Variants in OR8J3 observed in about 807,000 individuals in gnomAD.
The protein encoded by OR8J3 is olfactory receptor family 8 subfamily J member 3.
For synonymous variants in OR8J3, 170 were observed against 142.6 expected (o/e 1.19, Z -1.37); for missense variants, 418 against 379.8 (o/e 1.10, Z -0.84).
At chr11:56,138,561 GCTA>G (rs897752171) in intron 1 of OR8J3, 64 bp from the exon 2 acceptor site, 6 of 152,020 alleles carry the variant, frequency 3.9e-5, no homozygotes, top group African/African-American at 1.5e-4. Flanking sequence ...TGTAGTCCCA[GCTA>G]CTCGGGAGGC....
Position 56,137,098 on chromosome 11 carries a change from C to G in OR8J3, c.621G>C (p.Leu207Phe). ...CTAGAACTGTAATCATGGAAAAAACCAAATTTGTTGCTGCAGATATAAAGA... is the reference window on the plus strand; with the variant it reads ...CTAGAACTGTAATCATGGAAAAAACGAAATTTGTTGCTGCAGATATAAAGA... ...TIVFISAATNLVFSMITVLVS... is the reference protein window; with the variant it reads ...TIVFISAATNFVFSMITVLVS... Residue 207 changes from leucine to phenylalanine, a missense_variant, in exon 2 of 2, where the codon TTG (leucine) becomes TTC (phenylalanine). Leu to Phe is a conservative substitution (Grantham distance 22, BLOSUM62 0). Transcript: ENST00000642058. The G allele has an allele frequency of 1.2e-6, 2 of 1,613,200 alleles. No individual in the cohort carries two copies. Among genetic ancestry groups the G allele is most frequent in the Non-Finnish European group, 1.7e-6 (2 of 1,179,704 alleles).
chr11:56,137,384 A>G lies in OR8J3; in HGVS notation c.335T>C (p.Val112Ala), dbSNP rs764058463. 6.2e-7 allele frequency: 1 copy of G among 1,614,116 alleles called. No individual in the cohort carries two copies. Among genetic ancestry groups the G allele is most frequent in the Non-Finnish European group, 8.5e-7 (1 of 1,180,016 alleles). Residue 112 changes from valine to alanine, a missense_variant, in exon 2 of 2, where the codon GTA becomes GCA. Transcript: ENST00000642058. ...ATAGGCCATCACAGCCAGCATCATT[A>G]CCTCCGATACAATAAAGAACAAGAA... Reference protein sequence around the residue: ...GGFLFFIVSEVMMLAVMAYDR... With the variant: ...GGFLFFIVSEAMMLAVMAYDR...
In OR8J3 at chr11:56,137,668, G is replaced by C; in HGVS notation, c.51C>G (p.Val17=). The C allele has an allele frequency of 6.2e-7, 1 of 1,612,480 alleles. No homozygotes were observed. Among genetic ancestry groups the C allele is most frequent in the Non-Finnish European group, 8.5e-7 (1 of 1,179,488 alleles). Residue 17 remains valine (V), a synonymous_variant, in exon 2 of 2, where the codon GTC becomes GTG. Transcript: ENST00000642058. Reference sequence around the variant, plus strand: ...GAATCTGGAGCTCTGGACAGCTAGAGACACCTGTGAGAATAAACTCAGTGA... The same window carrying C: ...GAATCTGGAGCTCTGGACAGCTAGACACACCTGTGAGAATAAACTCAGTGA... ...TRVTEFILTG[V]SSCPELQIPL...
rs1264278376 is a variant in OR8J3 at position 56,137,266 on chromosome 11, A to G, written c.453T>C (p.Tyr151=). ...AAACCACAATAGCTGTAGAAAAGCC[A>G]TAGAGGTATGTGAGGGACACCAGCA... ...CLLLVSLTYL[Y]GFSTAIVVSP... Residue 151 remains tyrosine (Y), a synonymous_variant, in exon 2 of 2, where the codon TAT becomes TAC. Coordinates refer to ENST00000642058, the MANE Select transcript of OR8J3 (RefSeq NM_001004064.2). The G allele has an allele frequency of 1.2e-6, 2 of 1,614,156 alleles. No homozygotes were observed. Among genetic ancestry groups the G allele is most frequent in the Non-Finnish European group, 1.7e-6 (2 of 1,180,020 alleles).
intron 1 of OR8J3, 78 bp downstream of exon 1, chr11:56,140,095 G>A (rs988749261): frequency 2.0e-5 from 3 of 152,188 alleles, no homozygotes; most frequent in African/African-American, 7.2e-5. Flanking sequence ...CAGAGTATAG[G>A]GGCCTTCAAC....
At position 56,137,821 on chromosome 11, in the gene OR8J3, G is replaced by A. The variant is rs184160231; in HGVS notation, c.-103C>T. On this transcript the variant is annotated 5_prime_UTR_variant, in exon 2 of 2. Coordinates refer to ENST00000642058, the MANE Select transcript of OR8J3 (RefSeq NM_001004064.2). ...CCACTAGATGGCAAGGACAATTCCT[G>A]GGTGTGATCTTCTTGTCATGTATTA... 5.5e-6 allele frequency: 5 copies of A among 901,418 alleles called. No homozygotes were observed. In the East Asian group the frequency reaches 1.2e-4, roughly 22 times the overall value. 55.8% of individuals were successfully genotyped at this position (901,418 alleles called of 1,614,324 possible).
At chr11:56,138,555 G>GT (rs1320709612) in intron 1 of OR8J3, 58 bp from the exon 2 acceptor site, 1 of 151,902 alleles carries the variant, frequency 6.6e-6, no homozygotes, top group Non-Finnish European at 1.5e-5. Flanking sequence ...GGCGCCTGTA[G>GT]TCCCAGCTAC....
Position 56,135,533 on chromosome 11 carries a change from T to C in OR8J3, c.*1238A>G, listed in dbSNP as rs1854322166. 6.6e-6 allele frequency: 1 copy of C among 151,998 alleles called. No homozygotes were observed. The highest frequency in any genetic ancestry group is 1.5e-5 in the Non-Finnish European group (1 of 67,876). 9.4% of individuals were successfully genotyped at this position (151,998 alleles called of 1,614,324 possible). On this transcript the variant is annotated 3_prime_UTR_variant, in exon 2 of 2. Transcript: ENST00000642058. ...TCTAATTTTGTACTGTAGAGTTGTG[T>C]TTTGTTTCCTTTTTAATATTATAAT...
rs2134684259 is a variant in OR8J3 at position 56,136,470 on chromosome 11, T to G, written c.*301A>C. ...ATGAAAAATATTCACTTTAATTCTC[T>G]TGTTCCTATTTTGTTGCTCTGTTAA... On this transcript the variant is annotated 3_prime_UTR_variant, in exon 2 of 2. Coordinates refer to ENST00000642058, the MANE Select transcript of OR8J3 (RefSeq NM_001004064.2). 5.7e-6 allele frequency: 1 copy of G among 174,242 alleles called. No homozygotes were observed. The highest frequency in any genetic ancestry group is 6.2e-5 in the Admixed American group (1 of 16,016). 10.8% of individuals were successfully genotyped at this position (174,242 alleles called of 1,614,324 possible). A position where few individuals can be genotyped will look rare whatever the true frequency, so the allele number is the denominator to read the frequency against.
chr11:56,134,799 T>TC lies in OR8J3; in HGVS notation c.*1971dup, dbSNP rs1854314804. 6.6e-6 allele frequency: 1 copy of TC among 152,056 alleles called. No individual in the cohort carries two copies. Among genetic ancestry groups the TC allele is most frequent in the African/African-American group, 2.4e-5 (1 of 41,434 alleles). The allele number at this position is 152,056 out of a possible 1,614,324, so 9.4% of individuals were successfully genotyped here. On this transcript the variant is annotated 3_prime_UTR_variant, in exon 2 of 2. Coordinates refer to ENST00000642058, the MANE Select transcript of OR8J3 (RefSeq NM_001004064.2). Reference sequence around the variant, plus strand: ...AATAAAGTCATATTTTCTGGAATACTCTTCACAATACCAGGCTAGTATAGA... The same window carrying TC: ...AATAAAGTCATATTTTCTGGAATACTCCTTCACAATACCAGGCTAGTATAGA...
At position 56,137,622 on chromosome 11, in the gene OR8J3, C is replaced by A. The variant is rs1434881199; in HGVS notation, c.97G>T (p.Val33Leu). The A allele has an allele frequency of 6.2e-7, 1 of 1,614,012 alleles. No homozygotes were observed. The highest frequency in any genetic ancestry group is 8.5e-7 in the Non-Finnish European group (1 of 1,180,036). Residue 33 changes from valine (V) to leucine (L), a missense_variant, in exon 2 of 2, where the codon GTG (valine) becomes TTG (leucine). Val to Leu is a conservative substitution (Grantham distance 32). Transcript: ENST00000642058. ...LQIPLFLVFL[V>L]LYVLTMAGNL... ...CCTGCCATGGTCAGCACATAGAGCA[C>A]TAGGAAGACCAGGAAGAGGGGAATC...
chr11:56,138,723 A>G (rs889460730), intron 1 of OR8J3, among the ~76,000 whole-genome samples: 2 of 151,406 alleles, frequency 1.3e-5, no homozygotes, highest in Non-Finnish European at 2.9e-5. Flanking sequence ...TAAGATTTTT[A>G]TCATTTTTGT....
rs1323977588 is a variant in OR8J3 at position 56,137,255 on chromosome 11, G to A, written c.464C>T (p.Thr155Ile). 1.9e-6 allele frequency: 3 copies of A among 1,614,068 alleles called. No homozygotes were observed. In the South Asian group the frequency reaches 3.3e-5, roughly 18 times the overall value. The change falls in exon 2 of 2, where the codon ACA (threonine) becomes ATA (isoleucine). Residue 155 changes from threonine to isoleucine, a missense_variant. Thr to Ile is a moderately conservative substitution (Grantham distance 89). Transcript: ENST00000642058. ...VSLTYLYGFS[T>I]AIVVSPCIFS... ...TATACAAGGTGAAACCACAATAGCT[G>A]TAGAAAAGCCATAGAGGTATGTGAG...
In OR8J3 at chr11:56,137,546, G is replaced by C. The variant is rs1854346782; in HGVS notation, c.173C>G (p.Pro58Arg). The C allele has an allele frequency of 3.7e-6, 6 of 1,614,072 alleles. No homozygotes were observed. In the South Asian group the frequency reaches 6.6e-5, roughly 18 times the overall value. The part of the protein sequence containing the change: ...LTSVDSRLQN[P>R]MYFFLRHLAI... Reference sequence around the variant, plus strand: ...TAGATGTCTCAGGAAAAAGTACATGGGGTTTTGAAGTCGAGAGTCAACACT... The same window carrying C: ...TAGATGTCTCAGGAAAAAGTACATGCGGTTTTGAAGTCGAGAGTCAACACT... The change falls in exon 2 of 2, where the codon CCC becomes CGC. Residue 58 changes from proline to arginine, a missense_variant. Pro to Arg is a moderately radical substitution (Grantham distance 103, BLOSUM62 -2). Coordinates refer to ENST00000642058, the MANE Select transcript of OR8J3 (RefSeq NM_001004064.2).
At position 56,137,296 on chromosome 11, in the gene OR8J3, G is replaced by T. The variant is rs772204754; in HGVS notation, c.423C>A (p.Cys141Ter). 2 of 1,613,978 alleles carry T rather than the reference G, an allele frequency of 1.2e-6. No homozygotes were observed. Among genetic ancestry groups the T allele is most frequent in the Admixed American group, 1.7e-5 (1 of 59,996 alleles). ...GGTATGTGAGGGACACCAGCAGGAG[G>T]CAGAGCCGCCGAGACACCACCACCA... is the stretch of plus-strand genomic sequence containing the variant. The part of the protein sequence containing the change: ...LYMVVVSRRL[C>*]LLLVSLTYLY... Residue 141 changes from cysteine to a stop codon, truncating the protein, a stop_gained, in exon 2 of 2, where the codon TGC becomes TGA. Transcript: ENST00000642058. LOFTEE classifies it low-confidence loss of function (END_TRUNC).
Position 56,137,770 on chromosome 11 carries a change from C to A in OR8J3, c.-52G>T. ...GAGGAAGAAAATAAGTGGTTATAGACGTTAAGGAATCATTTTCTAGGATTT... is the reference window on the plus strand; with the variant it reads ...GAGGAAGAAAATAAGTGGTTATAGAAGTTAAGGAATCATTTTCTAGGATTT... On this transcript the variant is annotated 5_prime_UTR_variant, in exon 2 of 2. Coordinates refer to ENST00000642058, the MANE Select transcript of OR8J3 (RefSeq NM_001004064.2). 7.0e-7 allele frequency: 1 copy of A among 1,432,272 alleles called. No individual in the cohort carries two copies. The highest frequency in any genetic ancestry group is 9.5e-7 in the Non-Finnish European group (1 of 1,052,874). The allele number at this position is 1,432,272 out of a possible 1,614,324, so 88.7% of individuals were successfully genotyped here. A position where few individuals can be genotyped will look rare whatever the true frequency, so the allele number is the denominator to read the frequency against.
chr11:56,137,135 G>T lies in OR8J3; in HGVS notation c.584C>A (p.Pro195Gln). ...LALSCSDTYI[P>Q]ETIVFISAAT... is the part of the protein sequence containing the mutation. The stretch of plus-strand genomic sequence containing the variant: ...TGCAGATATAAAGACTATTGTTTCT[G>T]GTATGTAAGTATCAGAGCAAGATAA... Residue 195 changes from proline (P) to glutamine (Q), a missense_variant, in exon 2 of 2, where the codon CCA becomes CAA. Physicochemically the swap from Pro to Gln is moderately conservative, Grantham distance 76. Coordinates refer to ENST00000642058, the MANE Select transcript of OR8J3 (RefSeq NM_001004064.2). 1 of 1,613,018 alleles carries T rather than the reference G, an allele frequency of 6.2e-7. No homozygotes were observed. The highest frequency in any genetic ancestry group is 8.5e-7 in the Non-Finnish European group (1 of 1,179,608).
chr11:56,138,832 T>G (rs948602213), intron 1 of OR8J3, among the ~76,000 whole-genome samples: 6 of 152,180 alleles, frequency 3.9e-5, no homozygotes, highest in African/African-American at 9.7e-5. Context: ...ATACTCCGTG[T>G]TTTTTTCATG....
At chr11:56,140,073 G>A (rs1854374017) in intron 1 of OR8J3, 100 bp downstream of exon 1, 1 of 152,236 alleles carries the variant, frequency 6.6e-6, no homozygotes, top group Admixed American at 6.5e-5. Context: ...TGCAAGGGAG[G>A]AAATAGTTTT....
Sources: allele counts gnomAD v4.1 joint callset (sites outside exome capture counted in the v4.1 genomes callset), GRCh38; gene constraint gnomAD v4.1.1; transcripts MANE v1.5; gene names NCBI Gene and HGNC (gene_info 2026-07-23, HGNC 2026-07-21).